WRN: variants seen among roughly 807,000 people sequenced by gnomAD.
WRN encodes the protein WRN RecQ like helicase.
WRN carries 149 observed loss-of-function variants against 180.7 expected under a neutral mutation model. That is an observed-to-expected ratio of 0.82 (90% CI 0.72 to 0.94). The LOEUF (loss-of-function observed/expected upper bound fraction) is 0.94. Among genes scored for constraint, WRN ranks in the 40% least tolerant of loss-of-function variants. The probability of loss-of-function intolerance (pLI) is 0.00; values close to 1 mark genes in which losing one functional copy is unlikely to be tolerated. For missense variants in WRN, 1,661 were observed against 1,700.1 expected (o/e 0.98, Z 0.40); for synonymous variants, 548 against 568.9 (o/e 0.96, Z 0.52).
chr8:31,139,268 TTTAA>T (rs1221721524), intron 24 of WRN, among the ~76,000 whole-genome samples: 1 of 152,216 alleles, frequency 6.6e-6, no homozygotes, highest in African/African-American at 2.4e-5. Context: ...TCCCTGGATT[TTTAA>T]TTGATTATTA....
At chr8:31,157,580 C>T (rs908396944) in intron 33 of WRN, 50 bp downstream of exon 33, 5 of 1,606,606 alleles carry the variant, frequency 3.1e-6, no homozygotes, top group East Asian at 4.5e-5. Context: ...ATGAAGTAAA[C>T]AAGCAATCCA....
intron 1 of WRN, among the ~76,000 whole-genome samples, chr8:31,050,995 A>G (rs2129965932): frequency 6.6e-6 from 1 of 152,290 alleles, no homozygotes; most frequent in South Asian, 2.1e-4. Context: ...ACGGGCTAAC[A>G]GAGTTAAGCA....
intron 17 of WRN, among the ~76,000 whole-genome samples, chr8:31,100,330 C>A (rs1221830542): frequency 6.6e-6 from 1 of 152,166 alleles, no homozygotes; most frequent in African/African-American, 2.4e-5. Flanking sequence ...TCCTCCCATA[C>A]CATTTTACAT....
intron 1 of WRN, among the ~76,000 whole-genome samples, chr8:31,047,566 T>C (rs564573948): frequency 1.3e-5 from 2 of 152,304 alleles, no homozygotes; most frequent in South Asian, 2.1e-4. Flanking sequence ...GATCTTTACC[T>C]GAATGAAATT....
intron 16 of WRN, among the ~76,000 whole-genome samples, chr8:31,096,005 A>G (rs1214870470): frequency 6.6e-6 from 1 of 152,230 alleles, no homozygotes; most frequent in Non-Finnish European, 1.5e-5. Flanking sequence ...CGAAGAAACT[A>G]GGCATACTAA....
intron 28 of WRN, among the ~76,000 whole-genome samples, chr8:31,145,575 C>G (rs530123969): frequency 1.3e-5 from 2 of 152,242 alleles, no homozygotes; most frequent in South Asian, 4.2e-4. Flanking sequence ...TGTTTTCATG[C>G]CTGCTCGCTT....
chr8:31,109,942 T>C (rs570391067), intron 18 of WRN, among the ~76,000 whole-genome samples: 5 of 152,332 alleles, frequency 3.3e-5, no homozygotes, highest in African/African-American at 1.2e-4. Flanking sequence ...CTCATTTTCA[T>C]AAATATATTA....
At chr8:31,118,204 A>G (rs763629569) in intron 20 of WRN, among the ~76,000 whole-genome samples, 5 of 152,130 alleles carry the variant, frequency 3.3e-5, no homozygotes, top group Non-Finnish European at 5.9e-5. Flanking sequence ...AAACTTCACA[A>G]TGATCATTAA....
chr8:31,098,309 A>G (rs1452688901), intron 17 of WRN, among the ~76,000 whole-genome samples: 1 of 152,182 alleles, frequency 6.6e-6, no homozygotes, highest in South Asian at 2.1e-4. Context: ...GCTGGGGTCT[A>G]TGTCCATAGT....
At chr8:31,129,995 CTCT>C (rs1159325422) in intron 23 of WRN, among the ~76,000 whole-genome samples, 1 of 121,954 alleles carries the variant, frequency 8.2e-6, no homozygotes, top group African/African-American at 3.0e-5. Context: ...CAGAGCGACA[CTCT>C]TGTCTCAAAA....
intron 8 of WRN, among the ~76,000 whole-genome samples, chr8:31,080,175 C>G (rs1813244444): frequency 6.6e-6 from 1 of 152,194 alleles, no homozygotes; most frequent in South Asian, 2.1e-4. Flanking sequence ...ACCACCGTGC[C>G]CGCCCCAAAT....
At chr8:31,090,714 G>A (rs1231988751) in intron 14 of WRN, 120 bp from the exon 15 acceptor site, 8 of 1,039,840 alleles carry the variant, frequency 7.7e-6, no homozygotes, top group African/African-American at 3.3e-5. Context: ...TAGGAAGATA[G>A]CATACTAGTA....
At chr8:31,049,355 A>C (rs1179459657) in intron 1 of WRN, among the ~76,000 whole-genome samples, 1 of 151,076 alleles carries the variant, frequency 6.6e-6, no homozygotes, top group Non-Finnish European at 1.5e-5. Flanking sequence ...AACATGGTGA[A>C]ACTCCATTTC....
chr8:31,056,723 G>A (rs1812289896), intron 1 of WRN, among the ~76,000 whole-genome samples: 2 of 152,012 alleles, frequency 1.3e-5, no homozygotes, highest in Non-Finnish European at 2.9e-5. Context: ...GTTGATTTTG[G>A]GACTCCTGTA....
chr8:31,065,559 C>G (rs1812664221), intron 5 of WRN, among the ~76,000 whole-genome samples: 1 of 152,128 alleles, frequency 6.6e-6, no homozygotes, highest in Non-Finnish European at 1.5e-5. Flanking sequence ...CTGCAAAGGA[C>G]ATGATCTTAT....
At chr8:31,057,718 T>G (rs1287237024) in intron 1 of WRN, among the ~76,000 whole-genome samples, 1 of 152,110 alleles carries the variant, frequency 6.6e-6, no homozygotes, top group African/African-American at 2.4e-5. Flanking sequence ...GGATCCATTT[T>G]ACTATTAACA....
At chr8:31,138,307 T>A (rs1802477685) in intron 24 of WRN, among the ~76,000 whole-genome samples, 1 of 152,200 alleles carries the variant, frequency 6.6e-6, no homozygotes, top group African/African-American at 2.4e-5. Context: ...TTATCTTATT[T>A]TACTTACAAA....
chr8:31,142,486 G>GA (rs1012425532), intron 26 of WRN, 140 bp from the exon 27 acceptor site: 1,489 of 580,346 alleles, frequency 2.6e-3, no homozygotes, highest in East Asian at 4.0e-3. Flanking sequence ...GCTTTTTCTA[G>GA]AAAAAAAAAT....
At chr8:31,098,088 T>C (rs980455742) in intron 17 of WRN, among the ~76,000 whole-genome samples, 5 of 152,160 alleles carry the variant, frequency 3.3e-5, no homozygotes, top group Non-Finnish European at 7.3e-5. Context: ...AACAAAAGAA[T>C]GAGGGCAGCA....
Sources: allele counts gnomAD v4.1 joint callset (sites outside exome capture counted in the v4.1 genomes callset), GRCh38; gene constraint gnomAD v4.1.1; transcripts MANE v1.5; gene names NCBI Gene and HGNC (gene_info 2026-07-23, HGNC 2026-07-21).